Variants in ZNF385D observed in about 807,000 individuals in gnomAD.
ZNF385D encodes zinc finger protein 385D, also known as zinc finger protein 659.
Under a neutral mutation model 35.8 loss-of-function variants are expected in ZNF385D, and 15 were observed. That is an observed-to-expected ratio of 0.42 (90% CI 0.28 to 0.64). The LOEUF (loss-of-function observed/expected upper bound fraction) is 0.64. ZNF385D is among the 30% of genes least tolerant of loss of function. The probability of loss-of-function intolerance (pLI) is 0.23; values close to 1 mark genes in which losing one functional copy is unlikely to be tolerated. For synonymous variants in ZNF385D, 212 were observed against 186.8 expected (o/e 1.13, Z -1.10); for missense variants, 474 against 494.6 (o/e 0.96, Z 0.39).
chr3:21,424,408 G>A (rs1303901095), intron 6 of ZNF385D, among the ~76,000 whole-genome samples: 2 of 134,634 alleles, frequency 1.5e-5, no homozygotes, highest in African/African-American at 2.7e-5. Context: ...TCTGCCTCCC[G>A]GGTTCAAGCA....
At chr3:21,972,931 G>C (rs966947832) in intron 3 of ZNF385D, among the ~76,000 whole-genome samples, 1 of 151,878 alleles carries the variant, frequency 6.6e-6, no homozygotes, top group Admixed American at 6.6e-5. Context: ...TAATAAGAAA[G>C]TCTCCCAGCA....
chr3:21,710,219 G>A (rs1407533340), intron 1 of ZNF385D, among the ~76,000 whole-genome samples: 1 of 152,174 alleles, frequency 6.6e-6, no homozygotes, highest in Non-Finnish European at 1.5e-5. Context: ...TGATGTGGTA[G>A]TGGTTACATA....
In ZNF385D at chr3:22,028,447, G is replaced by T. The variant is rs557223035; in HGVS notation, c.325+140370C>A. 3.5e-4 allele frequency among the ~76,000 whole-genome samples: 53 copies of T among 152,274 alleles called. 1 individual carries two copies. In the South Asian group the frequency reaches 5.6e-3, roughly 16 times the overall value. Reference sequence around the variant, plus strand: ...TGGTTATGGCCACTGCTGGATGCCCGATTTGCCAGCAGCAGAGACCAACAC... The same window carrying T: ...TGGTTATGGCCACTGCTGGATGCCCTATTTGCCAGCAGCAGAGACCAACAC... On this transcript the variant is annotated intron_variant, in intron 3 of 5. Transcript: ENST00000494108.
intron 2 of ZNF385D, among the ~76,000 whole-genome samples, chr3:22,191,072 GAATT>G (rs1391404561): frequency 1.3e-5 from 2 of 151,896 alleles, no homozygotes; most frequent in Non-Finnish European, 2.9e-5. Flanking sequence ...GTTAAATACA[GAATT>G]ATTTTTAAAA....
intron 2 of ZNF385D, among the ~76,000 whole-genome samples, chr3:22,276,524 A>G (rs1701437286): frequency 6.6e-6 from 1 of 152,150 alleles, no homozygotes; most frequent in Non-Finnish European, 1.5e-5. Flanking sequence ...AGGTGCTAAG[A>G]CAAGTTTTAT....
intron 1 of ZNF385D, among the ~76,000 whole-genome samples, chr3:21,728,910 T>C (rs2068878432): frequency 6.6e-6 from 1 of 152,342 alleles, no homozygotes; most frequent in South Asian, 2.1e-4. Flanking sequence ...ATGTAAATTA[T>C]TTGAGCACAG....
chr3:21,481,109 C>T (rs1704600943), intron 4 of ZNF385D, among the ~76,000 whole-genome samples: 1 of 152,148 alleles, frequency 6.6e-6, no homozygotes, highest in African/African-American at 2.4e-5. Flanking sequence ...CTGATAGTGA[C>T]TGAGATCACC....
chr3:21,847,947 T>C lies in ZNF385D; in HGVS notation c.326-182919A>G, dbSNP rs138571834. Among the ~76,000 whole-genome samples, 695 of 152,118 alleles carry C rather than the reference T, an allele frequency of 4.6e-3. 8 individuals carry two copies. The highest frequency in any genetic ancestry group is 0.015 in the African/African-American group (640 of 41,542). On this transcript the variant is annotated intron_variant, in intron 3 of 5. Transcript: ENST00000494108. ...AGATACCTAGGACATTTTCATCTTGTATATCTCAATTTTTATATCTGTTGA... is the reference window on the plus strand; with the variant it reads ...AGATACCTAGGACATTTTCATCTTGCATATCTCAATTTTTATATCTGTTGA...
chr3:22,316,015 T>C (rs980381997), intron 2 of ZNF385D, among the ~76,000 whole-genome samples: 1 of 152,178 alleles, frequency 6.6e-6, no homozygotes, highest in Non-Finnish European at 1.5e-5. Context: ...ACATTACTAT[T>C]GTCAAACCTA....
intron 1 of ZNF385D, among the ~76,000 whole-genome samples, chr3:21,693,399 ACTC>A (rs1559524627): frequency 6.6e-6 from 1 of 151,746 alleles, no homozygotes. Context: ...TTAGTCCCAC[ACTC>A]TTTTATTCTT....
At chr3:21,908,122 C>CTATATATCTTTCTCTCTA (rs1699779901) in intron 3 of ZNF385D, among the ~76,000 whole-genome samples, 2 of 37,728 alleles carry the variant, frequency 5.3e-5, no homozygotes, top group South Asian at 8.5e-4. Context: ...CTCTCTATAT[C>CTATATATCTTTCTCTCTA]TATCTATCTA....
chr3:21,803,158 G>A (rs1050028307), intron 3 of ZNF385D, among the ~76,000 whole-genome samples: 1 of 152,130 alleles, frequency 6.6e-6, no homozygotes, highest in Non-Finnish European at 1.5e-5. Context: ...CCAGCTCTCT[G>A]TATCTGTCAG....
chr3:22,059,822 C>T (rs1185700509), intron 3 of ZNF385D, among the ~76,000 whole-genome samples: 1 of 152,114 alleles, frequency 6.6e-6, no homozygotes, highest in South Asian at 2.1e-4. Context: ...GTTGGTAAAA[C>T]ATTATTTCTG....
At chr3:21,994,189 G>C (rs908101717) in intron 3 of ZNF385D, among the ~76,000 whole-genome samples, 21 of 152,166 alleles carry the variant, frequency 1.4e-4, no homozygotes, top group Non-Finnish European at 2.8e-4. Flanking sequence ...ACATCTGGTA[G>C]GCTTTGGTGT....
chr3:21,455,858 T>A (rs1424626926), intron 4 of ZNF385D, among the ~76,000 whole-genome samples: 3 of 151,874 alleles, frequency 2.0e-5, no homozygotes, highest in African/African-American at 7.3e-5. Flanking sequence ...AGGGCTAATA[T>A]CCAGAATCTA....
intron 3 of ZNF385D, among the ~76,000 whole-genome samples, chr3:21,980,541 C>A (rs1436483235): frequency 6.6e-6 from 1 of 152,134 alleles, no homozygotes; most frequent in Non-Finnish European, 1.5e-5. Flanking sequence ...TTGTAGATCA[C>A]ATATCAGCCA....
intron 2 of ZNF385D, among the ~76,000 whole-genome samples, chr3:22,328,948 G>A (rs1176079189): frequency 1.3e-5 from 2 of 151,734 alleles, no homozygotes; most frequent in African/African-American, 2.4e-5. Flanking sequence ...GTGGTAGCGG[G>A]CGCCTGTAGT....
intron 2 of ZNF385D, among the ~76,000 whole-genome samples, chr3:21,575,689 G>A (rs566487760): frequency 2.6e-5 from 4 of 152,210 alleles, no homozygotes; most frequent in Admixed American, 2.6e-4. Flanking sequence ...ACCAGGCTAA[G>A]TCTTCCCAGG....
At chr3:22,007,932 T>C (rs1175068178) in intron 3 of ZNF385D, among the ~76,000 whole-genome samples, 3 of 151,964 alleles carry the variant, frequency 2.0e-5, no homozygotes, top group Admixed American at 2.0e-4. Flanking sequence ...CCTCTGAATT[T>C]TGAATTTTGT....
Sources: gnomAD v4.1 joint callset for allele counts (sites outside exome capture counted in the v4.1 genomes callset) on GRCh38, gnomAD v4.1.1 for gene constraint, MANE v1.5 for transcripts, NCBI Gene and HGNC (gene_info 2026-07-23, HGNC 2026-07-21) for gene names.